SLC7A1: variants seen among roughly 807,000 people sequenced by gnomAD.
SLC7A1 encodes the protein solute carrier family 7 member 1, also known as high affinity cationic amino acid transporter 1.
Under a neutral mutation model 53.9 loss-of-function variants are expected in SLC7A1, and 10 were observed. That is an observed-to-expected ratio of 0.19 (90% CI 0.11 to 0.31). The LOEUF (loss-of-function observed/expected upper bound fraction) is 0.31. Ranked by LOEUF, SLC7A1 falls within the 10% of genes least tolerant of loss-of-function variation. SLC7A1 has a pLI of 1.00. For missense variants in SLC7A1, 525 were observed against 827.2 expected (o/e 0.63, Z 4.48); for synonymous variants, 342 against 338.7 (o/e 1.01, Z -0.11).
intron 4 of SLC7A1, among the ~76,000 whole-genome samples, 153 bp from the exon 5 acceptor site, chr13:29,530,865 AATT>A (rs1196724814): frequency 2.6e-5 from 4 of 152,178 alleles, no homozygotes; most frequent in Non-Finnish European, 4.4e-5. Flanking sequence ...GGGGTGGATT[AATT>A]ATCTTTCTGG....
chr13:29,529,678 A>G (rs1430197888), intron 5 of SLC7A1, among the ~76,000 whole-genome samples: 2 of 152,200 alleles, frequency 1.3e-5, no homozygotes, highest in African/African-American at 4.8e-5. Context: ...AGGACTGGAA[A>G]CATCTCTTCT....
chr13:29,582,206 T>C (rs1871676990), intron 1 of SLC7A1, among the ~76,000 whole-genome samples: 1 of 152,240 alleles, frequency 6.6e-6, no homozygotes, highest in South Asian at 2.1e-4. Context: ...CTGATGGCAG[T>C]AGTTACTGAG....
intron 1 of SLC7A1, among the ~76,000 whole-genome samples, chr13:29,576,292 T>TAAAAAA (rs146432104): frequency 0.027 from 2,942 of 107,110 alleles, 206 homozygotes; most frequent in African/African-American, 0.1. Context: ...ATCCTGTTTT[T>TAAAAAA]TAAAAAAAAA....
intron 1 of SLC7A1, among the ~76,000 whole-genome samples, chr13:29,587,190 G>A (rs1277516157): frequency 6.6e-6 from 1 of 152,208 alleles, no homozygotes; most frequent in South Asian, 2.1e-4. Context: ...ATGATGGGGA[G>A]CTGAGGACAA....
chr13:29,577,113 C>G (rs1353861615), intron 1 of SLC7A1, among the ~76,000 whole-genome samples: 3 of 152,208 alleles, frequency 2.0e-5, no homozygotes, highest in Non-Finnish European at 4.4e-5. Context: ...GGCATAAGGT[C>G]TTTTACTGTA....
At chr13:29,537,180 G>A (rs1869460072) in intron 2 of SLC7A1, among the ~76,000 whole-genome samples, 1 of 152,154 alleles carries the variant, frequency 6.6e-6, no homozygotes, top group African/African-American at 2.4e-5. Flanking sequence ...GGGTGGGGGT[G>A]GGAAAACAGA....
chr13:29,538,975 A>T (rs1869546719), intron 2 of SLC7A1, among the ~76,000 whole-genome samples: 1 of 152,178 alleles, frequency 6.6e-6, no homozygotes, highest in Non-Finnish European at 1.5e-5. Flanking sequence ...CCTCTCCCAG[A>T]TGTCACTTCT....
chr13:29,552,254 C>G lies in SLC7A1; in HGVS notation c.-15+1507G>C, dbSNP rs936335276. On this transcript the variant is annotated intron_variant, in intron 2 of 12. Coordinates refer to ENST00000380752, the MANE Select transcript of SLC7A1 (RefSeq NM_003045.5). Reference sequence around the variant, plus strand: ...ACACACACACACACACACACACACACAGACACACACACACACTTTCCCTCA... The same window carrying G: ...ACACACACACACACACACACACACAGAGACACACACACACACTTTCCCTCA... Among the ~76,000 whole-genome samples, 1,204 of 140,310 alleles carry G rather than the reference C, an allele frequency of 8.6e-3. 14 individuals are homozygous for G. Among genetic ancestry groups the G allele is most frequent in the Non-Finnish European group, 9.4e-3 (588 of 62,404 alleles). The allele number at this position is 140,310 out of a possible 152,430, so 92.0% of individuals were successfully genotyped here. A position where few individuals can be genotyped will look rare whatever the true frequency, so the allele number is the denominator to read the frequency against.
intron 10 of SLC7A1, 26 bp from the exon 11 acceptor site, chr13:29,517,336 G>A (rs537003160): frequency 3.5e-5 from 55 of 1,588,942 alleles, no homozygotes; most frequent in Admixed American, 7.0e-5. Flanking sequence ...AAGACAGCAA[G>A]CTGCAACTCA....
chr13:29,586,973 G>C (rs980180733), intron 1 of SLC7A1, among the ~76,000 whole-genome samples: 6 of 152,250 alleles, frequency 3.9e-5, no homozygotes, highest in African/African-American at 9.6e-5. Context: ...TCCAGGTTGG[G>C]CGTTACGTGG....
intron 1 of SLC7A1, among the ~76,000 whole-genome samples, chr13:29,577,632 C>G (rs191103094): frequency 6.6e-6 from 1 of 152,328 alleles, no homozygotes; most frequent in East Asian, 1.9e-4. Flanking sequence ...GAATGCAAGC[C>G]AGGCAGCTCT....
At position 29,512,991 on chromosome 13, in the gene SLC7A1, G is replaced by A. The variant is rs1883437505; in HGVS notation, c.*1489C>T. ...TGAAAGCAGCATTTCCATTTCCCCT[G>A]GTGTCCAAAATGCCCACATCCCTCC... On this transcript the variant is annotated 3_prime_UTR_variant, in exon 13 of 13. Coordinates refer to ENST00000380752, the MANE Select transcript of SLC7A1 (RefSeq NM_003045.5). 6.6e-6 allele frequency: 1 copy of A among 152,272 alleles called. No individual in the cohort carries two copies. The highest frequency in any genetic ancestry group is 2.4e-5 in the African/African-American group (1 of 41,468). The allele number at this position is 152,272 out of a possible 1,614,324, so 9.4% of individuals were successfully genotyped here.
intron 1 of SLC7A1, among the ~76,000 whole-genome samples, chr13:29,556,449 C>T (rs1301826459): frequency 1.3e-5 from 2 of 152,238 alleles, no homozygotes; most frequent in East Asian, 1.9e-4. Context: ...ACAATCTTGG[C>T]TCACTGCTGC....
Position 29,530,621 on chromosome 13 carries a change from T to C in SLC7A1, c.621A>G (p.Ser207=). 5.6e-6 allele frequency: 9 copies of C among 1,614,146 alleles called. No individual in the cohort carries two copies. The highest frequency in any genetic ancestry group is 6.8e-6 in the Non-Finnish European group (8 of 1,180,004). Residue 207 remains serine, a synonymous_variant, in exon 5 of 13, where the codon TCA becomes TCG. Transcript: ENST00000380752. ...TTTTAACCGATCCTTTCACAAATCCTGACACCATTATGAAGCCCAGGACCA... is the reference window on the plus strand; with the variant it reads ...TTTTAACCGATCCTTTCACAAATCCCGACACCATTATGAAGCCCAGGACCA... ...NVLVLGFIMV[S]GFVKGSVKNW...
In SLC7A1 at chr13:29,583,405, C is replaced by T. The variant is rs897405092; in HGVS notation, c.-115+12011G>A. ...CCCAGGGTGGAATCGTGCTTTCTTC[C>T]TTCACACAGCAGGACACTTTGCTGG... On this transcript the variant is annotated intron_variant, in intron 1 of 12. Coordinates refer to ENST00000380752, the MANE Select transcript of SLC7A1 (RefSeq NM_003045.5). 4.6e-5 allele frequency among the ~76,000 whole-genome samples: 7 copies of T among 152,372 alleles called. No homozygotes were observed. The South Asian group carries it at 1.4e-3, about 32-fold the overall frequency.
At chr13:29,570,238 C>T (rs905188917) in intron 1 of SLC7A1, among the ~76,000 whole-genome samples, 38 of 152,318 alleles carry the variant, frequency 2.5e-4, no homozygotes, top group African/African-American at 7.7e-4. Context: ...GAGGAGGCCA[C>T]GGCCTGCCAC....
chr13:29,580,833 G>A (rs996305939), intron 1 of SLC7A1, among the ~76,000 whole-genome samples: 2 of 152,134 alleles, frequency 1.3e-5, no homozygotes, highest in African/African-American at 4.8e-5. Context: ...CCCCAAAGAA[G>A]CAATGCCATG....
Position 29,587,632 on chromosome 13 carries a change from A to C in SLC7A1, c.-115+7784T>G, listed in dbSNP as rs1417103290. 4.6e-5 allele frequency among the ~76,000 whole-genome samples: 7 copies of C among 152,232 alleles called. No homozygotes were observed. The East Asian group carries it at 1.3e-3, about 29-fold the overall frequency. ...AGGAAGCAAGGGGTATAGACCAGAC[A>C]AGAGTGGGCCTGCAACATTTCTTTT... On this transcript the variant is annotated intron_variant, in intron 1 of 12. Transcript: ENST00000380752.
At chr13:29,533,333 A>T (rs1869261363) in intron 3 of SLC7A1, among the ~76,000 whole-genome samples, 1 of 152,222 alleles carries the variant, frequency 6.6e-6, no homozygotes. Flanking sequence ...TTGTTTCATT[A>T]AAAAAAGTAA....
Sources: gnomAD v4.1 joint callset for allele counts (sites outside exome capture counted in the v4.1 genomes callset) on GRCh38, gnomAD v4.1.1 for gene constraint, MANE v1.5 for transcripts, NCBI Gene and HGNC (gene_info 2026-07-23, HGNC 2026-07-21) for gene names.